KCNH8: variants seen among roughly 807,000 people sequenced by gnomAD.
The protein encoded by KCNH8 is voltage-gated delayed rectifier potassium channel KCNH8.
Under a neutral mutation model 103.6 loss-of-function variants are expected in KCNH8, and 70 were observed. The ratio of observed to expected loss-of-function variants is 0.68; its 90% CI spans 0.56 to 0.82. The LOEUF is 0.82. KCNH8 is among the 40% of genes least tolerant of loss of function. The pLI, the probability that KCNH8 is intolerant of heterozygous loss-of-function variation, is 0.00. For missense variants in KCNH8, 1,217 were observed against 1,329.9 expected (o/e 0.92, Z 1.32); for synonymous variants, 498 against 489.4 (o/e 1.02, Z -0.23).
intron 11 of KCNH8, among the ~76,000 whole-genome samples, chr3:19,498,522 T>C (rs1298845893): frequency 1.3e-5 from 2 of 152,208 alleles, no homozygotes; most frequent in Non-Finnish European, 2.9e-5. Context: ...TGGCTGGATA[T>C]AAAATTCTTG....
In KCNH8 at chr3:19,515,401, G is replaced by A. The variant is rs1391317198; in HGVS notation, c.2515G>A (p.Glu839Lys). 1 of 1,556,376 alleles carries A rather than the reference G, an allele frequency of 6.4e-7. No homozygotes were observed. The highest frequency in any genetic ancestry group is 1.9e-5 in the Admixed American group (1 of 52,496). ...TTTTGGCTCTGAACGAATCAGATCAGAGCCCAGAATTTCTCCTCCTCTTGG... is the reference window on the plus strand; with the variant it reads ...TTTTGGCTCTGAACGAATCAGATCAAAGCCCAGAATTTCTCCTCCTCTTGG... ...FDFGSERIRS[E>K]PRISPPLGDP... Residue 839 changes from glutamate to lysine, a missense_variant, in exon 14 of 16, where the codon GAG (glutamate) becomes AAG (lysine). Glu to Lys is a moderately conservative substitution (Grantham distance 56). Transcript: ENST00000328405.
At chr3:19,375,967 C>T (rs1303898222) in intron 5 of KCNH8, among the ~76,000 whole-genome samples, 1 of 152,140 alleles carries the variant, frequency 6.6e-6, no homozygotes, top group African/African-American at 2.4e-5. Flanking sequence ...CTCAGATCTC[C>T]AGCTGTGTGC....
chr3:19,275,238 A>G (rs1038629720), intron 2 of KCNH8, among the ~76,000 whole-genome samples: 4 of 152,004 alleles, frequency 2.6e-5, no homozygotes, highest in Admixed American at 6.6e-5. Flanking sequence ...TTTCAACTCA[A>G]TATAGTATGC....
At chr3:19,360,145 CTCAA>C (rs2065929518) in intron 5 of KCNH8, among the ~76,000 whole-genome samples, 1 of 152,010 alleles carries the variant, frequency 6.6e-6, no homozygotes, top group South Asian at 2.1e-4. Flanking sequence ...TGTGGCAAGA[CTCAA>C]TCAAATTTGA....
chr3:19,201,258 A>AAAAAAAAAAG (rs2063658557), intron 1 of KCNH8, among the ~76,000 whole-genome samples: 1 of 146,710 alleles, frequency 6.8e-6, no homozygotes, highest in African/African-American at 2.5e-5. Flanking sequence ...AAAAAAAAAA[A>AAAAAAAAAAG]AAAAGAAAAG....
chr3:19,518,613 A>G (rs1278803072), intron 15 of KCNH8, among the ~76,000 whole-genome samples: 1 of 151,970 alleles, frequency 6.6e-6, no homozygotes, highest in East Asian at 1.9e-4. Flanking sequence ...ATATCATAAA[A>G]TTTGTCCATT....
At chr3:19,280,736 C>G (rs1009693944) in intron 2 of KCNH8, among the ~76,000 whole-genome samples, 1 of 152,000 alleles carries the variant, frequency 6.6e-6, no homozygotes, top group African/African-American at 2.4e-5. Flanking sequence ...AAACTTGATA[C>G]TTTTCACCTT....
At chr3:19,289,544 A>G (rs553577047) in intron 3 of KCNH8, among the ~76,000 whole-genome samples, 35 of 152,208 alleles carry the variant, frequency 2.3e-4, no homozygotes, top group African/African-American at 6.3e-4. Context: ...GTAGATATGC[A>G]GCATTATTTC....
chr3:19,495,413 T>A (rs1230012564), intron 11 of KCNH8, among the ~76,000 whole-genome samples: 1 of 152,340 alleles, frequency 6.6e-6, no homozygotes, highest in South Asian at 2.1e-4. Flanking sequence ...CTTCTTCATA[T>A]GGCTAGCCAG....
At chr3:19,424,999 G>C (rs930446125) in intron 7 of KCNH8, among the ~76,000 whole-genome samples, 4 of 152,048 alleles carry the variant, frequency 2.6e-5, no homozygotes, top group South Asian at 2.1e-4. Context: ...CACACACACA[G>C]AGGAAGAGAA....
chr3:19,532,979 C>T (rs974574860), intron 15 of KCNH8, among the ~76,000 whole-genome samples: 11 of 151,912 alleles, frequency 7.2e-5, no homozygotes, highest in Non-Finnish European at 4.4e-5. Context: ...CCGAGGAGGG[C>T]GGATCACGAG....
chr3:19,412,900 A>C (rs2066803307), intron 7 of KCNH8, among the ~76,000 whole-genome samples: 1 of 151,932 alleles, frequency 6.6e-6, no homozygotes, highest in Non-Finnish European at 1.5e-5. Flanking sequence ...TGTGGAGAAA[A>C]AGGAACACGT....
chr3:19,404,536 T>C (rs2125142139), intron 7 of KCNH8, among the ~76,000 whole-genome samples: 1 of 152,048 alleles, frequency 6.6e-6, no homozygotes, highest in Middle Eastern at 3.4e-3. Context: ...TCCTGAGTTG[T>C]GTAGTTGTTA....
intron 1 of KCNH8, among the ~76,000 whole-genome samples, chr3:19,165,278 T>G (rs1416540098): frequency 6.6e-6 from 1 of 152,224 alleles, no homozygotes; most frequent in Non-Finnish European, 1.5e-5. Flanking sequence ...CACACGAACC[T>G]AATAGAATGA....
chr3:19,502,329 T>A (rs1488143245), intron 11 of KCNH8, among the ~76,000 whole-genome samples: 1 of 150,514 alleles, frequency 6.6e-6, no homozygotes, highest in Non-Finnish European at 1.5e-5. Context: ...ATCAATATTG[T>A]GAAAATGGCC....
intron 14 of KCNH8, among the ~76,000 whole-genome samples, chr3:19,516,862 T>C (rs1161425790): frequency 6.6e-6 from 1 of 152,080 alleles, no homozygotes; most frequent in African/African-American, 2.4e-5. Flanking sequence ...GCAAAGGGAA[T>C]TTTATTAATT....
In KCNH8 at chr3:19,494,433, C is replaced by A. The variant is rs139115704; in HGVS notation, c.2041-15930C>A. Among the ~76,000 whole-genome samples, 274 of 152,270 alleles carry A rather than the reference C, an allele frequency of 1.8e-3. 1 individual carries two copies. Among genetic ancestry groups the A allele is most frequent in the African/African-American group, 6.0e-3 (250 of 41,558 alleles). On this transcript the variant is annotated intron_variant, in intron 11 of 15. Coordinates refer to ENST00000328405, the MANE Select transcript of KCNH8 (RefSeq NM_144633.3). ...CACAAGCTCTCTCTTTGCCTGCTGTCATCCATATAAGATGTGACTTGCTCC... is the reference window on the plus strand; with the variant it reads ...CACAAGCTCTCTCTTTGCCTGCTGTAATCCATATAAGATGTGACTTGCTCC...
intron 1 of KCNH8, among the ~76,000 whole-genome samples, chr3:19,211,191 CAGA>C (rs1368992452): frequency 6.6e-6 from 1 of 151,970 alleles, no homozygotes; most frequent in African/African-American, 2.4e-5. Context: ...ACTGGGGAGG[CAGA>C]AGAAAAACAT....
At chr3:19,361,809 A>C (rs920330752) in intron 5 of KCNH8, among the ~76,000 whole-genome samples, 1 of 152,080 alleles carries the variant, frequency 6.6e-6, no homozygotes, top group African/African-American at 2.4e-5. Flanking sequence ...CAAATACCCA[A>C]ATTTTTCTAT....
Sources: gnomAD v4.1 joint callset for allele counts (sites outside exome capture counted in the v4.1 genomes callset) on GRCh38, gnomAD v4.1.1 for gene constraint, MANE v1.5 for transcripts, NCBI Gene and HGNC (gene_info 2026-07-23, HGNC 2026-07-21) for gene names.